Variants in SLC25A24 observed in about 807,000 individuals in gnomAD.
SLC25A24 encodes the protein mitochondrial adenyl nucleotide antiporter SLC25A24.
In SLC25A24, 49 loss-of-function variants were observed where a neutral mutation model predicts 60.7. The observed-to-expected ratio is 0.81, with a 90% CI of 0.64 to 1.02. The LOEUF (loss-of-function observed/expected upper bound fraction) is 1.02. SLC25A24 is among the 50% of genes least tolerant of loss of function. SLC25A24 has a pLI of 0.00. For synonymous variants in SLC25A24, 202 were observed against 200.6 expected (o/e 1.01, Z -0.06); for missense variants, 564 against 586.3 (o/e 0.96, Z 0.39).
intron 1 of SLC25A24, among the ~76,000 whole-genome samples, chr1:108,187,324 G>T (rs751397363): frequency 7.9e-5 from 12 of 152,016 alleles, no homozygotes; most frequent in Middle Eastern, 3.2e-3. Context: ...AAGCAAAAAA[G>T]AAGTTGAAGG....
chr1:108,155,627 G>T (rs951850687), intron 5 of SLC25A24, among the ~76,000 whole-genome samples: 1 of 151,954 alleles, frequency 6.6e-6, no homozygotes, highest in African/African-American at 2.4e-5. Flanking sequence ...CTGTAAATGG[G>T]TCTGAAATGG....
chr1:108,159,112 T>G (rs1423844904), intron 4 of SLC25A24, among the ~76,000 whole-genome samples: 1 of 152,220 alleles, frequency 6.6e-6, no homozygotes, highest in East Asian at 1.9e-4. Context: ...TTGGTTTACA[T>G]CAGTATGCAG....
At chr1:108,157,080 T>C (rs1333082655) in intron 5 of SLC25A24, among the ~76,000 whole-genome samples, 2 of 152,182 alleles carry the variant, frequency 1.3e-5, no homozygotes, top group Non-Finnish European at 2.9e-5. Context: ...TTTAGAATAA[T>C]TTTCAAAATT....
intron 3 of SLC25A24, among the ~76,000 whole-genome samples, chr1:108,177,349 G>C (rs1647712298): frequency 6.6e-6 from 1 of 151,816 alleles, no homozygotes; most frequent in South Asian, 2.1e-4. Context: ...AGGAAGAAAA[G>C]AATAAAGGAT....
intron 3 of SLC25A24, among the ~76,000 whole-genome samples, chr1:108,180,615 G>GATCTCTCT (rs1647881554): frequency 1.1e-5 from 1 of 88,782 alleles, no homozygotes; most frequent in South Asian, 3.6e-4. Context: ...GCAAGAGAAA[G>GATCTCTCT]ATCTCTCTCT....
At chr1:108,140,673 T>C (rs980154918) in intron 8 of SLC25A24, among the ~76,000 whole-genome samples, 1 of 152,096 alleles carries the variant, frequency 6.6e-6, no homozygotes, top group Non-Finnish European at 1.5e-5. Context: ...TAGAGTTTTA[T>C]ATACCACTGA....
At chr1:108,197,354 T>G (rs1458651818) in intron 1 of SLC25A24, among the ~76,000 whole-genome samples, 1 of 152,186 alleles carries the variant, frequency 6.6e-6, no homozygotes, top group African/African-American at 2.4e-5. Flanking sequence ...AACACGGAGA[T>G]GAGATCAAAT....
intron 6 of SLC25A24, among the ~76,000 whole-genome samples, chr1:108,153,705 A>G (rs1679812237): frequency 6.6e-6 from 1 of 152,202 alleles, no homozygotes; most frequent in Non-Finnish European, 1.5e-5. Context: ...TGCAGAAATC[A>G]CAATACTATA....
At chr1:108,179,734 T>G (rs1288695534) in intron 3 of SLC25A24, among the ~76,000 whole-genome samples, 1 of 152,204 alleles carries the variant, frequency 6.6e-6, no homozygotes, top group Non-Finnish European at 1.5e-5. Context: ...GGGTATGGTT[T>G]GTGTTAAAGG....
At chr1:108,161,986 C>T (rs534455271) in intron 3 of SLC25A24, among the ~76,000 whole-genome samples, 7 of 146,170 alleles carry the variant, frequency 4.8e-5, no homozygotes, top group African/African-American at 1.0e-4. Flanking sequence ...GTGATGTTCC[C>T]CTTCCTGTGT....
chr1:108,153,144 T>C (rs1679801183), intron 6 of SLC25A24, among the ~76,000 whole-genome samples: 1 of 152,138 alleles, frequency 6.6e-6, no homozygotes, highest in Admixed American at 6.5e-5. Context: ...AGTACAGAGA[T>C]GGCAGCTGAA....
In SLC25A24 at chr1:108,186,077, A is replaced by G. The variant is rs534780610; in HGVS notation, c.184-123T>C. On this transcript the variant is annotated intron_variant, in intron 1 of 9. Transcript: ENST00000565488. The stretch of plus-strand genomic sequence containing the variant: ...GACTATAGTACCTATTTTTGGCCAG[A>G]TGTATCATCATTCATTATCGCAAAG... The G allele has an allele frequency of 1.5e-5, 9 of 604,678 alleles. 1 individual carries two copies. The highest frequency in any genetic ancestry group is 5.8e-5 in the African/African-American group (3 of 51,756). 37.5% of individuals were successfully genotyped at this position (604,678 alleles called of 1,614,324 possible).
At chr1:108,153,888 T>C (rs1278278312) in intron 6 of SLC25A24, among the ~76,000 whole-genome samples, 1 of 152,112 alleles carries the variant, frequency 6.6e-6, no homozygotes, top group African/African-American at 2.4e-5. Context: ...CTGCATTGAG[T>C]ATTTATTTAT....
chr1:108,143,085 A>AGTGG (rs545538799), intron 8 of SLC25A24, among the ~76,000 whole-genome samples: 143 of 152,294 alleles, frequency 9.4e-4, no homozygotes, highest in African/African-American at 3.4e-3. Context: ...TCCAGTGTCT[A>AGTGG]ACCTAGTGGT....
chr1:108,154,224 G>GC (rs542419851), intron 6 of SLC25A24, among the ~76,000 whole-genome samples: 151 of 151,726 alleles, frequency 1.0e-3, no homozygotes, highest in African/African-American at 3.3e-3. Context: ...AAACTATGGG[G>GC]GGGGAGTTGA....
intron 5 of SLC25A24, 41 bp from the exon 6 acceptor site, chr1:108,155,176 A>G: frequency 6.5e-7 from 1 of 1,549,932 alleles, no homozygotes; most frequent in Non-Finnish European, 8.8e-7. Flanking sequence ...CTGGTGGCAT[A>G]TTACTATTAC....
intron 2 of SLC25A24, among the ~76,000 whole-genome samples, chr1:108,184,512 A>G (rs1648051000): frequency 6.6e-6 from 1 of 152,226 alleles, no homozygotes. Context: ...ACAGATGTGA[A>G]TAATCTTCAA....
intron 3 of SLC25A24, among the ~76,000 whole-genome samples, chr1:108,180,192 C>T (rs1647862693): frequency 6.7e-6 from 1 of 149,416 alleles, no homozygotes; most frequent in South Asian, 2.1e-4. Context: ...GGTGCAAACC[C>T]GTCTCTAGTA....
In SLC25A24 at chr1:108,136,523, G is replaced by A. The variant is rs1679288273; in HGVS notation, c.*130C>T. 2.8e-6 allele frequency: 2 copies of A among 704,968 alleles called. No homozygotes were observed. Among genetic ancestry groups the A allele is most frequent in the Admixed American group, 5.8e-5 (2 of 34,546 alleles). 43.7% of individuals were successfully genotyped at this position (704,968 alleles called of 1,614,324 possible). On this transcript the variant is annotated 3_prime_UTR_variant, in exon 10 of 10. Transcript: ENST00000565488. ...AGCCCAAAAGTTTGAAGTGACCATTGTTACCATCTTCCCTTTTGTGAAAAA... is the reference window on the plus strand; with the variant it reads ...AGCCCAAAAGTTTGAAGTGACCATTATTACCATCTTCCCTTTTGTGAAAAA...
Sources: allele counts gnomAD v4.1 joint callset (sites outside exome capture counted in the v4.1 genomes callset), GRCh38; gene constraint gnomAD v4.1.1; transcripts MANE v1.5; gene names NCBI Gene and HGNC (gene_info 2026-07-23, HGNC 2026-07-21).